Variants in PHF20 observed in about 807,000 individuals in gnomAD.
PHF20 encodes the protein PHD finger protein 20.
In PHF20, 23 loss-of-function variants were observed where a neutral mutation model predicts 113.5. That is an observed-to-expected ratio of 0.20 (90% CI 0.15 to 0.29). The LOEUF is 0.29. PHF20 is among the 10% of genes least tolerant of loss of function. The pLI, the probability that PHF20 is intolerant of heterozygous loss-of-function variation, is 1.00. For synonymous variants in PHF20, 434 were observed against 457.3 expected (o/e 0.95, Z 0.65); for missense variants, 943 against 1,219.6 (o/e 0.77, Z 3.38).
In PHF20 at chr20:35,899,406, CATCTAA is replaced by C. The variant is rs1487294707; in HGVS notation, c.1320_1325del (p.Ser441_Asn442del). On this transcript the variant is annotated inframe_deletion, in exon 10 of 18. Coordinates refer to ENST00000374012, the MANE Select transcript of PHF20 (RefSeq NM_016436.5). ...TTTAAGAAAACAGATGATTTTGGGTCATCTAATGCACCAGCTGTCGACCTAGACCAT... is the reference window on the plus strand; with the variant it reads ...TTTAAGAAAACAGATGATTTTGGGTCTGCACCAGCTGTCGACCTAGACCAT... The C allele has an allele frequency of 3.1e-6, 5 of 1,611,712 alleles. No homozygotes were observed. The highest frequency in any genetic ancestry group is 2.7e-5 in the African/African-American group (2 of 74,864).
chr20:35,868,451 A>T (rs545283811), intron 6 of PHF20, among the ~76,000 whole-genome samples: 10 of 150,206 alleles, frequency 6.7e-5, no homozygotes, highest in Non-Finnish European at 1.3e-4. Flanking sequence ...AATACAAAAA[A>T]AAAAAAATTT....
intron 2 of PHF20, among the ~76,000 whole-genome samples, chr20:35,824,779 C>G (rs967021977): frequency 2.0e-5 from 3 of 152,134 alleles, no homozygotes; most frequent in Non-Finnish European, 4.4e-5. Context: ...CCTGCCCTTC[C>G]CAGCCTAGGC....
At chr20:35,921,689 T>TA (rs970087780) in intron 13 of PHF20, among the ~76,000 whole-genome samples, 2 of 87,366 alleles carry the variant, frequency 2.3e-5, no homozygotes, top group Non-Finnish European at 4.6e-5. Flanking sequence ...GTCCCCACCC[T>TA]CCCCCCCAAA....
chr20:35,841,727 G>A (rs1032988105), intron 2 of PHF20, among the ~76,000 whole-genome samples: 6 of 151,834 alleles, frequency 4.0e-5, no homozygotes, highest in South Asian at 2.1e-4. Context: ...CTGAGATCGC[G>A]CCACTGCCCT....
chr20:35,939,198 A>G (rs2055930185), intron 16 of PHF20, 90 bp downstream of exon 16: 1 of 1,336,346 alleles, frequency 7.5e-7, no homozygotes, highest in Non-Finnish European at 1.0e-6. Flanking sequence ...GAAGATATTT[A>G]TTAATAAAAC....
At chr20:35,903,478 CT>C (rs1159482439) in intron 10 of PHF20, among the ~76,000 whole-genome samples, 1 of 152,098 alleles carries the variant, frequency 6.6e-6, no homozygotes, top group Non-Finnish European at 1.5e-5. Flanking sequence ...TCTGTACCCT[CT>C]CAGTGAGGGC....
chr20:35,828,690 C>T (rs950928875), intron 2 of PHF20, among the ~76,000 whole-genome samples: 1 of 152,118 alleles, frequency 6.6e-6, no homozygotes, highest in Non-Finnish European at 1.5e-5. Context: ...CCAGCAGTGG[C>T]AGTGCTTTAC....
chr20:35,931,943 C>T (rs1419007364), intron 15 of PHF20, among the ~76,000 whole-genome samples: 1 of 151,402 alleles, frequency 6.6e-6, no homozygotes, highest in Non-Finnish European at 1.5e-5. Flanking sequence ...AAGAGCGAAA[C>T]TCCGTCTCAA....
chr20:35,855,754 A>G (rs906777105), intron 4 of PHF20, among the ~76,000 whole-genome samples: 1 of 151,920 alleles, frequency 6.6e-6, no homozygotes, highest in African/African-American at 2.4e-5. Flanking sequence ...GCTCACTGCA[A>G]CCTCCACTTC....
intron 17 of PHF20, 59 bp downstream of exon 17, chr20:35,941,106 G>A (rs1600975003): frequency 2.1e-6 from 3 of 1,428,648 alleles, no homozygotes; most frequent in East Asian, 4.6e-5. Context: ...CCCCAGACGA[G>A]CTGCTTTCTG....
chr20:35,851,575 C>A (rs545398382), intron 4 of PHF20, among the ~76,000 whole-genome samples: 70 of 152,074 alleles, frequency 4.6e-4, no homozygotes, highest in African/African-American at 1.6e-3. Context: ...TGCTTCCCCC[C>A]CAACCCCCAC....
At chr20:35,803,253 GA>G (rs200855143) in intron 2 of PHF20, among the ~76,000 whole-genome samples, 3,138 of 128,116 alleles carry the variant, frequency 0.024, 44 homozygotes, top group Non-Finnish European at 0.04. Flanking sequence ...CTCCGTCCCG[GA>G]AAAAAAAAAA....
intron 1 of PHF20, among the ~76,000 whole-genome samples, chr20:35,797,482 C>G (rs1194575165): frequency 6.8e-6 from 1 of 147,922 alleles, no homozygotes; most frequent in Admixed American, 6.8e-5. Context: ...CCACTGCACT[C>G]CAGTCTGGGC....
At chr20:35,799,061 T>G (rs1391439399) in intron 1 of PHF20, among the ~76,000 whole-genome samples, 2 of 152,246 alleles carry the variant, frequency 1.3e-5, no homozygotes, top group South Asian at 4.1e-4. Context: ...TGTGATTTTT[T>G]TCCATACTCA....
rs2054405731 is a variant in PHF20 at position 35,870,710 on chromosome 20, A to G, written c.923-245A>G. 3.3e-5 allele frequency among the ~76,000 whole-genome samples: 5 copies of G among 152,046 alleles called. 1 individual carries two copies. The South Asian group carries it at 1.0e-3, about 32-fold the overall frequency. ...ATAGAACATAGTTGTCAAGATTCGG[A>G]CATGACCTAGCACATGTTTTCAGAC... On this transcript the variant is annotated intron_variant, in intron 7 of 17. Coordinates refer to ENST00000374012, the MANE Select transcript of PHF20 (RefSeq NM_016436.5).
chr20:35,842,530 G>T (rs1428944360), intron 2 of PHF20, 43 bp from the exon 3 acceptor site: 3 of 1,520,664 alleles, frequency 2.0e-6, no homozygotes, highest in Non-Finnish European at 1.8e-6. Context: ...GGATATTTGG[G>T]GTGGGTATTA....
Position 35,793,887 on chromosome 20 carries a change from A to G in PHF20, c.-32-7604A>G, listed in dbSNP as rs961630524. Among the ~76,000 whole-genome samples, 13 of 149,962 alleles carry G rather than the reference A, an allele frequency of 8.7e-5. 1 individual carries two copies. Among genetic ancestry groups the G allele is most frequent in the Admixed American group, 8.0e-4 (12 of 14,930 alleles). On this transcript the variant is annotated intron_variant, in intron 1 of 17. Transcript: ENST00000374012. The stretch of plus-strand genomic sequence containing the variant: ...GTGGTGCACGCCTGTAATCCCAGCT[A>G]CTGGGGAGGGTGAGGCAGGAGATGC...
At chr20:35,943,800 T>G (rs1340881375) in intron 17 of PHF20, among the ~76,000 whole-genome samples, 2 of 152,060 alleles carry the variant, frequency 1.3e-5, no homozygotes, top group Non-Finnish European at 2.9e-5. Flanking sequence ...TTTGTATTTT[T>G]AATAGAGACG....
intron 1 of PHF20, among the ~76,000 whole-genome samples, chr20:35,786,066 G>T (rs1351903987): frequency 6.7e-6 from 1 of 149,744 alleles, no homozygotes; most frequent in Non-Finnish European, 1.5e-5. Flanking sequence ...AACAAATCTT[G>T]TAAGGATAGC....
Sources: gnomAD v4.1 joint callset for allele counts (sites outside exome capture counted in the v4.1 genomes callset) on GRCh38, gnomAD v4.1.1 for gene constraint, MANE v1.5 for transcripts, NCBI Gene and HGNC (gene_info 2026-07-23, HGNC 2026-07-21) for gene names.